Variants in WDR4 observed in about 807,000 individuals in gnomAD.
The protein encoded by WDR4 is WDR4 tRNA N7-guanosine methyltransferase non-catalytic subunit.
Under a neutral mutation model 48.6 loss-of-function variants are expected in WDR4, and 47 were observed. That is an observed-to-expected ratio of 0.97 (90% confidence interval 0.77 to 1.23). The LOEUF is 1.23. Ranked by LOEUF, WDR4 falls within the 50% of genes most tolerant of loss-of-function variation. WDR4 has a pLI of 0.00. For synonymous variants in WDR4, 268 were observed against 230.0 expected (o/e 1.17, Z -1.49); for missense variants, 606 against 551.6 (o/e 1.10, Z -0.99).
chr21:42,861,507 G>A (rs940348466), intron 5 of WDR4, among the ~76,000 whole-genome samples: 4 of 152,170 alleles, frequency 2.6e-5, no homozygotes, highest in African/African-American at 9.7e-5. Context: ...CAAGGGAGCT[G>A]CAGAGACCCC....
chr21:42,852,741 C>A (rs928230942), intron 9 of WDR4, among the ~76,000 whole-genome samples: 1 of 152,104 alleles, frequency 6.6e-6, no homozygotes, highest in Non-Finnish European at 1.5e-5. Flanking sequence ...CATGGAGAAA[C>A]CCCGTCTCTA....
At chr21:42,876,851 T>G in intron 1 of WDR4, 84 bp from the exon 2 acceptor site, 2 of 1,285,990 alleles carry the variant, frequency 1.6e-6, no homozygotes, top group Non-Finnish European at 2.1e-6. Context: ...GGAGTTTCGC[T>G]CTCGTTGTCC....
At chr21:42,892,688 A>G in the WDR4 span, among the ~76,000 whole-genome samples, 98,798 of 152,140 alleles carry the variant, frequency 0.65, 33,999 homozygotes, top group African/African-American at 0.88. Context: ...AACGTTGGGG[A>G]CGAACTCTTT....
chr21:42,859,620 CT>C, intron 6 of WDR4, 41 bp downstream of exon 6: 2 of 1,163,608 alleles, frequency 1.7e-6, no homozygotes, highest in Non-Finnish European at 2.5e-6. Context: ...TCCCTGCAGG[CT>C]CAAGAATCCA....
Position 42,853,742 on chromosome 21 carries a change from C to A in WDR4, c.802G>T (p.Val268Phe). The change falls in exon 9 of 11, where the codon GTC becomes TTC. Residue 268 changes from valine to phenylalanine, a missense_variant. By Grantham distance (50) the Val-to-Phe change is conservative. Transcript: ENST00000398208. ...CGGGCGTCCAGCTGGAAGATGTAGA[C>A]CACAGGAGTGCTTGCCACGAAGAAA... ...VALLCDGTPVVYIFQLDARRQ... is the reference protein window; with the variant it reads ...VALLCDGTPVFYIFQLDARRQ... 6.4e-7 allele frequency: 1 copy of A among 1,556,978 alleles called. No individual in the cohort carries two copies. The highest frequency in any genetic ancestry group is 1.2e-5 in the South Asian group (1 of 84,510).
upstream of WDR4, chr21:42,879,591 A>T (rs916100366): frequency 2.0e-6 from 3 of 1,469,248 alleles, no homozygotes; most frequent in African/African-American, 2.8e-5. Flanking sequence ...CCGAGAGATG[A>T]CGTATACCCC....
At chr21:42,866,129 C>G (rs961829405) in intron 3 of WDR4, among the ~76,000 whole-genome samples, 2 of 152,184 alleles carry the variant, frequency 1.3e-5, no homozygotes, top group African/African-American at 4.8e-5. Context: ...CTCATAAACA[C>G]ACATGTCAAA....
At chr21:42,892,779 A>G in the WDR4 span, among the ~76,000 whole-genome samples, 1 of 152,210 alleles carries the variant, frequency 6.6e-6, no homozygotes, top group Admixed American at 6.5e-5. Context: ...GGGGCCATGC[A>G]GGAGGGGCAG....
At chr21:42,888,823 C>T in the WDR4 span, among the ~76,000 whole-genome samples, 1 of 151,662 alleles carries the variant, frequency 6.6e-6, no homozygotes, top group East Asian at 1.9e-4. Flanking sequence ...GCCTCTGCCT[C>T]CCGAGTAGCT....
chr21:42,879,462 G>T lies in WDR4; in HGVS notation c.34C>A (p.Gln12Lys), dbSNP rs372808994. ...CTGCCGCCCCGCACCACCAACGTCT[G>T]CCCGCACAACGCCAGTCCCACAGAG... The part of the protein sequence containing the change: ...AGSVGLALCG[Q>K]TLVVRGGSRF... Residue 12 changes from glutamine to lysine, a missense_variant, in exon 1 of 11, where the codon CAG becomes AAG. Transcript: ENST00000398208. The T allele has an allele frequency of 1.6e-5, 26 of 1,613,536 alleles. No individual in the cohort carries two copies. Among genetic ancestry groups the T allele is most frequent in the Non-Finnish European group, 2.0e-5 (24 of 1,179,888 alleles).
chr21:42,850,126 G>T lies in WDR4; in HGVS notation c.1162C>A (p.Arg388=). The T allele has an allele frequency of 6.2e-7, 1 of 1,613,950 alleles. No individual in the cohort carries two copies. The highest frequency in any genetic ancestry group is 1.1e-5 in the South Asian group (1 of 91,060). Residue 388 remains arginine, a synonymous_variant, in exon 11 of 11, where the codon CGG becomes AGG. Transcript: ENST00000398208. Reference sequence around the variant, plus strand: ...GGCCCAGGCGGGGGACTCCGGCGCCGCTGCTTCTTCTCTAGCTGCTGCTGC... The same window carrying T: ...GGCCCAGGCGGGGGACTCCGGCGCCTCTGCTTCTTCTCTAGCTGCTGCTGC... ...RLQQQLEKKQ[R]RRSPPPGPDG... is the part of the protein sequence containing the mutation.
At chr21:42,876,438 TTC>T (rs2058494218) in intron 2 of WDR4, among the ~76,000 whole-genome samples, 1 of 152,126 alleles carries the variant, frequency 6.6e-6, no homozygotes, top group Non-Finnish European at 1.5e-5. Flanking sequence ...GGTCTGGAAA[TTC>T]TGACCTCAGG....
In WDR4 at chr21:42,868,022, C is replaced by A. The variant is rs1300961665; in HGVS notation, c.297-4426G>T. 3.3e-5 allele frequency among the ~76,000 whole-genome samples: 5 copies of A among 152,320 alleles called. No individual in the cohort carries two copies. In the East Asian group the frequency reaches 7.7e-4, roughly 24 times the overall value. ...GCCCAGCCTGCAGCGGTATCTGCATCCACCACGAGTCCCAACTCATGGAGC... is the reference window on the plus strand; with the variant it reads ...GCCCAGCCTGCAGCGGTATCTGCATACACCACGAGTCCCAACTCATGGAGC... On this transcript the variant is annotated intron_variant, in intron 3 of 10. Coordinates refer to ENST00000398208, the MANE Select transcript of WDR4 (RefSeq NM_018669.6).
At chr21:42,846,867 C>G (rs2057715155), downstream of WDR4, among the ~76,000 whole-genome samples, 1 of 151,988 alleles carries the variant, frequency 6.6e-6, no homozygotes, top group Admixed American at 6.6e-5. Flanking sequence ...ACTAAAAATA[C>G]AAAAATTAGC....
chr21:42,856,512 C>T (rs2057996697), intron 6 of WDR4, among the ~76,000 whole-genome samples: 1 of 152,048 alleles, frequency 6.6e-6, no homozygotes, highest in African/African-American at 2.4e-5. Context: ...CCAGGCAATC[C>T]TCCCGCCTCA....
At chr21:42,843,690 T>C (rs1159227943) in intron 11 of WDR4, among the ~76,000 whole-genome samples, 1 of 152,064 alleles carries the variant, frequency 6.6e-6, no homozygotes, top group African/African-American at 2.4e-5. Context: ...TCTCCTGCTT[T>C]AGCCTCTCAA....
At chr21:42,856,276 A>G (rs563573242) in intron 6 of WDR4, among the ~76,000 whole-genome samples, 1 of 152,372 alleles carries the variant, frequency 6.6e-6, no homozygotes, top group South Asian at 2.1e-4. Context: ...CAACCGTCCC[A>G]CGACAACTGG....
downstream of WDR4, among the ~76,000 whole-genome samples, chr21:42,845,694 C>T (rs2057704991): frequency 1.3e-5 from 2 of 152,200 alleles, no homozygotes; most frequent in South Asian, 2.1e-4. Context: ...AAACACTAGG[C>T]GTTGAGGATG....
chr21:42,863,643 G>T, intron 3 of WDR4, 47 bp from the exon 4 acceptor site: 1 of 1,589,344 alleles, frequency 6.3e-7, no homozygotes, highest in South Asian at 1.1e-5. Flanking sequence ...GAGCAGCGCA[G>T]GGTCCTCGAC....
Sources: gnomAD v4.1 joint callset for allele counts (sites outside exome capture counted in the v4.1 genomes callset) on GRCh38, gnomAD v4.1.1 for gene constraint, MANE v1.5 for transcripts, NCBI Gene and HGNC (gene_info 2026-07-23, HGNC 2026-07-21) for gene names.